Variants in PPARGC1B observed in about 807,000 individuals in gnomAD.
PPARGC1B encodes peroxisome proliferator-activated receptor gamma coactivator 1-beta.
In PPARGC1B, 34 loss-of-function variants were observed where a neutral mutation model predicts 101.6. The observed-to-expected ratio is 0.33, with a 90% CI of 0.25 to 0.45. PPARGC1B has a LOEUF of 0.45. Ranked by LOEUF, PPARGC1B falls within the 20% of genes least tolerant of loss-of-function variation. PPARGC1B has a pLI of 1.00. For missense variants in PPARGC1B, 1,234 were observed against 1,317.6 expected, an observed-to-expected ratio of 0.94 and a Z score of 0.98; for synonymous variants, 548 against 539.3, an observed-to-expected ratio of 1.02 and a Z score of -0.22.
Position 149,847,765 on chromosome 5 carries a change from GGT to G in PPARGC1B, c.*210_*211del, listed in dbSNP as rs1290982136. On this transcript the variant is annotated 3_prime_UTR_variant, in exon 12 of 12. Coordinates refer to ENST00000309241, the MANE Select transcript of PPARGC1B (RefSeq NM_133263.4). ...GCTGCTTCTGTCTGTGAGTTTCCAT[GGT>G]GTTGACGTTCCACTGCCACATTAGT... The G allele has an allele frequency of 1.8e-6, 1 of 560,324 alleles. No individual in the cohort carries two copies. The highest frequency in any genetic ancestry group is 1.9e-5 in the African/African-American group (1 of 53,234). The allele number at this position is 560,324 out of a possible 1,614,324, so 34.7% of individuals were successfully genotyped here.
At chr5:149,784,860 C>T (rs1241180798) in intron 1 of PPARGC1B, among the ~76,000 whole-genome samples, 3 of 152,172 alleles carry the variant, frequency 2.0e-5, no homozygotes, top group African/African-American at 7.2e-5. Context: ...AGCCACCGCG[C>T]CCGGTCCAGC....
intron 9 of PPARGC1B, 70 bp downstream of exon 9, chr5:149,840,186 A>C: frequency 6.8e-7 from 1 of 1,460,866 alleles, no homozygotes; most frequent in Non-Finnish European, 9.3e-7. Context: ...GGCTTCATGG[A>C]CCAAAGCCTT....
intron 1 of PPARGC1B, among the ~76,000 whole-genome samples, chr5:149,768,494 A>T (rs1323752186): frequency 7.6e-6 from 1 of 131,424 alleles, no homozygotes; most frequent in African/African-American, 3.0e-5. Flanking sequence ...CCCACACTGG[A>T]GTGCAGTGGT....
intron 1 of PPARGC1B, among the ~76,000 whole-genome samples, chr5:149,774,467 C>T (rs776959272): frequency 1.3e-4 from 20 of 152,180 alleles, no homozygotes; most frequent in South Asian, 6.2e-4. Context: ...TAGAGGTCTG[C>T]GGCGCTGGTA....
At chr5:149,755,651 T>G (rs1332355199) in intron 1 of PPARGC1B, among the ~76,000 whole-genome samples, 1 of 146,558 alleles carries the variant, frequency 6.8e-6, no homozygotes, top group Admixed American at 6.8e-5. Flanking sequence ...TATTATTGCT[T>G]TTTTTTTTTG....
chr5:149,809,895 C>T (rs541260140), intron 1 of PPARGC1B, among the ~76,000 whole-genome samples: 20 of 151,794 alleles, frequency 1.3e-4, no homozygotes, highest in African/African-American at 4.1e-4. Context: ...TGGGGAGGGA[C>T]GTTCAACCTG....
rs184176303 is a variant in PPARGC1B, at chr5:149,754,037, T to C, written c.78+23617T>C. Among the ~76,000 whole-genome samples the C allele has an allele frequency of 2.4e-4, 37 of 152,360 alleles. No individual in the cohort carries two copies. The East Asian group carries it at 6.7e-3, about 28-fold the overall frequency. On this transcript the variant is annotated intron_variant, in intron 1 of 11. Coordinates refer to ENST00000309241, the MANE Select transcript of PPARGC1B (RefSeq NM_133263.4). ...TTTGATGTATATTGTCACATTCCTGTCCGTGAAATTATATCAGTTTATGTT... is the reference window on the plus strand; with the variant it reads ...TTTGATGTATATTGTCACATTCCTGCCCGTGAAATTATATCAGTTTATGTT...
chr5:149,755,052 C>CAT (rs1199839991), intron 1 of PPARGC1B, among the ~76,000 whole-genome samples: 3,829 of 108,874 alleles, frequency 0.035, 77 homozygotes, highest in African/African-American at 0.053. Context: ...TATACATATA[C>CAT]ATATATATAT....
intron 1 of PPARGC1B, among the ~76,000 whole-genome samples, chr5:149,783,867 C>T (rs1756687001): frequency 1.3e-5 from 2 of 152,096 alleles, no homozygotes; most frequent in Non-Finnish European, 1.5e-5. Flanking sequence ...ATCTTTATAC[C>T]CCTTTATACC....
Position 149,832,639 on chromosome 5 carries a change from CCT to C in PPARGC1B, c.583-11_583-10del, listed in dbSNP as rs765139029. The C allele has an allele frequency of 1.1e-5, 16 of 1,515,052 alleles. No individual in the cohort carries two copies. The highest frequency in any genetic ancestry group is 8.5e-5 in the Admixed American group (4 of 47,058). 93.9% of individuals were successfully genotyped at this position (1,515,052 alleles called of 1,614,324 possible). On this transcript the variant is annotated splice_polypyrimidine_tract_variant and intron_variant, in intron 4 of 11. Coordinates refer to ENST00000309241, the MANE Select transcript of PPARGC1B (RefSeq NM_133263.4). The surrounding 1 kb of genome is among the most constrained non-coding windows in gnomAD (Gnocchi z 4.9). ...GTTTGGGCCTCCTTCCTCACTCTGG[CCT>C]CTCTCCCTCTCTAGGCGGACAGCAC...
chr5:149,764,354 C>T lies in PPARGC1B; in HGVS notation c.78+33934C>T, dbSNP rs567050411. Among the ~76,000 whole-genome samples, 110 of 152,212 alleles carry T rather than the reference C, an allele frequency of 7.2e-4. 1 individual carries two copies. Among genetic ancestry groups the T allele is most frequent in the Non-Finnish European group, 1.4e-3 (92 of 68,006 alleles). ...CAGCCCGGCGAGCAGTGGCCTCCAG[C>T]CCTGCACTGGAGGCTGGGCCCAAAC... On this transcript the variant is annotated intron_variant, in intron 1 of 11. Coordinates refer to ENST00000309241, the MANE Select transcript of PPARGC1B (RefSeq NM_133263.4).
chr5:149,758,229 G>A (rs144256338), intron 1 of PPARGC1B, among the ~76,000 whole-genome samples: 2 of 152,382 alleles, frequency 1.3e-5, no homozygotes, highest in East Asian at 1.9e-4. Context: ...CTTTGGGCAA[G>A]TCTCACCACT....
chr5:149,842,202 G>A, intron 9 of PPARGC1B, 54 bp from the exon 10 acceptor site: 1 of 1,598,302 alleles, frequency 6.3e-7, no homozygotes, highest in South Asian at 1.1e-5. Flanking sequence ...TCCCAGAGGG[G>A]CCCCAGGAAG....
At chr5:149,742,386 C>G (rs1004223806) in intron 1 of PPARGC1B, among the ~76,000 whole-genome samples, 2 of 152,142 alleles carry the variant, frequency 1.3e-5, no homozygotes, top group African/African-American at 4.8e-5. Context: ...GCGATCCCCA[C>G]AGTCTGCTAC....
At chr5:149,805,899 G>A (rs1757580622) in intron 1 of PPARGC1B, among the ~76,000 whole-genome samples, 1 of 152,254 alleles carries the variant, frequency 6.6e-6, no homozygotes, top group Non-Finnish European at 1.5e-5. Context: ...GAGCTGTGGG[G>A]GTTCCCCAGG....
chr5:149,751,328 A>C (rs1755293902), intron 1 of PPARGC1B, among the ~76,000 whole-genome samples: 2 of 152,166 alleles, frequency 1.3e-5, no homozygotes, highest in Admixed American at 1.3e-4. Flanking sequence ...TGATTATATA[A>C]ATTGTATTTT....
At chr5:149,845,715 A>G (rs370970764) in intron 10 of PPARGC1B, 45 bp from the exon 11 acceptor site, 1 of 1,551,984 alleles carries the variant, frequency 6.4e-7, no homozygotes. Flanking sequence ...CACAGTGTCC[A>G]CCCAGCCAGC....
intron 1 of PPARGC1B, among the ~76,000 whole-genome samples, chr5:149,784,084 G>A (rs1756695513): frequency 6.6e-6 from 1 of 152,020 alleles, no homozygotes; most frequent in African/African-American, 2.4e-5. Flanking sequence ...TGTGTTCAAA[G>A]TGGAGGTCTT....
chr5:149,830,898 G>T lies in PPARGC1B; in HGVS notation c.582+15G>T. 1.3e-6 allele frequency: 2 copies of T among 1,564,030 alleles called. No homozygotes were observed. Among genetic ancestry groups the T allele is most frequent in the South Asian group, 1.1e-5 (1 of 90,078 alleles). On this transcript the variant is annotated intron_variant, in intron 4 of 11. Coordinates refer to ENST00000309241, the MANE Select transcript of PPARGC1B (RefSeq NM_133263.4). ...CTTGTGTTAAGGTATTTCTTCACAT[G>T]CCCCCAAATCTACCCCAGGTGTCTG...
Sources: gnomAD v4.1 joint callset for allele counts (sites outside exome capture counted in the v4.1 genomes callset) on GRCh38, gnomAD v4.1.1 for gene constraint, Gnocchi (gnomAD v3.1) non-coding constraint, MANE v1.5 for transcripts, NCBI Gene and HGNC (gene_info 2026-07-23, HGNC 2026-07-21) for gene names.